CHST9: variants seen among roughly 807,000 people sequenced by gnomAD.
CHST9 encodes GalNAc-4-sulfotransferase 2.
A neutral mutation model predicts 44.4 loss-of-function variants in CHST9; 41 were observed. The observed-to-expected ratio is 0.92, with a 90% CI of 0.72 to 1.20. The LOEUF (loss-of-function observed/expected upper bound fraction) is 1.20. Among genes scored for constraint, CHST9 ranks in the 50% most tolerant of loss-of-function variants. The pLI, the probability that CHST9 is intolerant of heterozygous loss-of-function variation, is 0.00. For synonymous variants in CHST9, 171 were observed against 178.4 expected, an observed-to-expected ratio of 0.96 and a Z score of 0.33; for missense variants, 504 against 516.5, an observed-to-expected ratio of 0.98 and a Z score of 0.23.
rs1247085953 is a variant in CHST9 at position 27,129,445 on chromosome 18, T to G, written c.121+13244A>C. The stretch of plus-strand genomic sequence containing the variant: ...CAGGCTGGCGTGCAGTGCAGTGCAG[T>G]GCAGTGGCATGATCACAGCTCACTG... On this transcript the variant is annotated intron_variant, in intron 2 of 5. Coordinates refer to ENST00000618847, the MANE Select transcript of CHST9 (RefSeq NM_031422.6). 2.0e-5 allele frequency among the ~76,000 whole-genome samples: 3 copies of G among 152,088 alleles called. No homozygotes were observed. In the East Asian group the frequency reaches 5.8e-4, roughly 29 times the overall value.
At chr18:27,121,172 T>G (rs997047402) in intron 2 of CHST9, among the ~76,000 whole-genome samples, 5 of 152,030 alleles carry the variant, frequency 3.3e-5, no homozygotes, top group Admixed American at 1.3e-4. Flanking sequence ...ATTTTAAAAT[T>G]TATTTTATTT....
chr18:27,121,152 C>T (rs1021436061), intron 2 of CHST9, among the ~76,000 whole-genome samples: 3 of 152,112 alleles, frequency 2.0e-5, no homozygotes, highest in African/African-American at 7.2e-5. Flanking sequence ...ACAGGCACCA[C>T]ACTTGGCTAA....
intron 2 of CHST9, among the ~76,000 whole-genome samples, chr18:27,058,710 G>A (rs752119678): frequency 1.2e-4 from 18 of 152,122 alleles, no homozygotes; most frequent in Non-Finnish European, 2.4e-4. Flanking sequence ...GACCAGATAC[G>A]TGGGTCAAGA....
chr18:27,142,573 T>C (rs558160479), intron 2 of CHST9, 116 bp downstream of exon 2: 1 of 739,758 alleles, frequency 1.4e-6, no homozygotes, highest in African/African-American at 1.8e-5. Flanking sequence ...TATGACTCAT[T>C]TTTTGTTGTT....
At chr18:27,100,868 C>T (rs2058164589) in intron 2 of CHST9, among the ~76,000 whole-genome samples, 1 of 152,198 alleles carries the variant, frequency 6.6e-6, no homozygotes, top group Non-Finnish European at 1.5e-5. Flanking sequence ...GTAATTCAGA[C>T]ATGATGGTAT....
intron 4 of CHST9, among the ~76,000 whole-genome samples, chr18:26,988,306 T>G (rs570155826): frequency 5.9e-5 from 9 of 152,234 alleles, no homozygotes; most frequent in African/African-American, 2.2e-4. Context: ...ATATTCTGCC[T>G]TTAAAAGGGC....
In CHST9 at chr18:26,916,104, C is replaced by T. The variant is rs1418014676; in HGVS notation, c.*155G>A. 1.7e-6 allele frequency: 1 copy of T among 595,550 alleles called. No individual in the cohort carries two copies. Among genetic ancestry groups the T allele is most frequent in the South Asian group, 2.7e-5 (1 of 37,642 alleles). 36.9% of individuals were successfully genotyped at this position (595,550 alleles called of 1,614,324 possible). ...TAGGTGATTTTCCTATAACTTTGTG[C>T]CAATTGGTGTCATACTATTTGGTAA... is the stretch of plus-strand genomic sequence containing the variant. On this transcript the variant is annotated 3_prime_UTR_variant, in exon 6 of 6. Coordinates refer to ENST00000618847, the MANE Select transcript of CHST9 (RefSeq NM_031422.6).
Position 26,916,403 on chromosome 18 carries a change from C to G in CHST9, c.1188G>C (p.Lys396Asn). The G allele has an allele frequency of 6.2e-7, 1 of 1,613,756 alleles. No homozygotes were observed. The highest frequency in any genetic ancestry group is 1.1e-5 in the South Asian group (1 of 91,070). Reference protein sequence around the residue: ...APKELKFPNFKDRHSSDERTN... With the variant: ...APKELKFPNFNDRHSSDERTN... The stretch of plus-strand genomic sequence containing the variant: ...TTCTTTCATCGGAAGAGTGCCTATC[C>G]TTAAAGTTGGGAAATTTCAGCTCCT... The change falls in exon 6 of 6, where the codon AAG becomes AAC. Residue 396 changes from lysine (K) to asparagine (N), a missense_variant. By Grantham distance (94) the Lys-to-Asn change is moderately conservative (BLOSUM62 0). Coordinates refer to ENST00000618847, the MANE Select transcript of CHST9 (RefSeq NM_031422.6).
intron 2 of CHST9, among the ~76,000 whole-genome samples, chr18:27,099,345 A>G (rs1476082131): frequency 1.3e-5 from 2 of 152,182 alleles, no homozygotes; most frequent in African/African-American, 4.8e-5. Flanking sequence ...AGTGGGACCT[A>G]ATTAAACTAA....
At chr18:27,108,978 C>G (rs190255350) in intron 2 of CHST9, among the ~76,000 whole-genome samples, 2 of 152,170 alleles carry the variant, frequency 1.3e-5, no homozygotes, top group Non-Finnish European at 2.9e-5. Context: ...TACTACAGTC[C>G]TTACTACGCA....
chr18:27,171,487 TA>T (rs1312142660), intron 1 of CHST9, among the ~76,000 whole-genome samples: 2 of 152,174 alleles, frequency 1.3e-5, no homozygotes, highest in African/African-American at 4.8e-5. Flanking sequence ...AATAAAAATG[TA>T]ACCAAAATCT....
intron 1 of CHST9, among the ~76,000 whole-genome samples, chr18:27,180,443 G>C (rs569490212): frequency 1.3e-5 from 2 of 152,116 alleles, no homozygotes; most frequent in Non-Finnish European, 2.9e-5. Flanking sequence ...GTCTGAGAGG[G>C]TCAAGGATCA....
At chr18:26,988,371 A>C (rs1161370703) in intron 4 of CHST9, among the ~76,000 whole-genome samples, 3 of 152,208 alleles carry the variant, frequency 2.0e-5, no homozygotes, top group African/African-American at 7.2e-5. Context: ...CCATTGTAAA[A>C]CCAGTCAAAA....
intron 4 of CHST9, among the ~76,000 whole-genome samples, chr18:27,005,692 A>C (rs527897109): frequency 1.3e-5 from 2 of 152,256 alleles, no homozygotes; most frequent in Admixed American, 1.3e-4. Flanking sequence ...CAGAGGGGTT[A>C]TATCAATTGG....
intron 5 of CHST9, among the ~76,000 whole-genome samples, chr18:26,937,594 G>T (rs2056016534): frequency 6.6e-6 from 1 of 152,174 alleles, no homozygotes; most frequent in South Asian, 2.1e-4. Context: ...CAGAATAGTG[G>T]CTGTTGCTCA....
intron 2 of CHST9, among the ~76,000 whole-genome samples, chr18:27,142,460 T>G (rs1320589613): frequency 6.6e-6 from 1 of 152,184 alleles, no homozygotes; most frequent in East Asian, 1.9e-4. Flanking sequence ...AGCACTGCTA[T>G]TCCCCCACTG....
chr18:26,988,061 CA>C lies in CHST9; in HGVS notation c.202+36054del, dbSNP rs529570905. On this transcript the variant is annotated intron_variant, in intron 4 of 5. Coordinates refer to ENST00000618847, the MANE Select transcript of CHST9 (RefSeq NM_031422.6). The stretch of plus-strand genomic sequence containing the variant: ...TGCATATCTACCCTAAAAGAATGAC[CA>C]AAAAAAATAACCTAACAAAAGAAAT... Among the ~76,000 whole-genome samples, 92 of 150,254 alleles carry C rather than the reference CA, an allele frequency of 6.1e-4. 4 individuals carry two copies. Among genetic ancestry groups the C allele is most frequent in the Non-Finnish European group, 1.3e-4 (9 of 67,488 alleles).
At chr18:27,007,327 TAAAG>T (rs2057028639) in intron 4 of CHST9, among the ~76,000 whole-genome samples, 1 of 152,092 alleles carries the variant, frequency 6.6e-6, no homozygotes, top group South Asian at 2.1e-4. Context: ...AAATGCAGAC[TAAAG>T]AAGAGGGAAA....
At chr18:26,927,898 C>T (rs897437019) in intron 5 of CHST9, among the ~76,000 whole-genome samples, 1 of 152,186 alleles carries the variant, frequency 6.6e-6, no homozygotes, top group African/African-American at 2.4e-5. Context: ...TGGGGAGAAA[C>T]CTCGGACAAT....
Sources: gnomAD v4.1 joint callset for allele counts (sites outside exome capture counted in the v4.1 genomes callset) on GRCh38, gnomAD v4.1.1 for gene constraint, MANE v1.5 for transcripts, NCBI Gene and HGNC (gene_info 2026-07-23, HGNC 2026-07-21) for gene names.